Variants in FRK observed in about 807,000 individuals in gnomAD.
FRK encodes tyrosine-protein kinase FRK.
FRK carries 51 observed loss-of-function variants against 56.4 expected under a neutral mutation model. The ratio of observed to expected loss-of-function variants is 0.90; its 90% CI spans 0.72 to 1.14. The LOEUF (loss-of-function observed/expected upper bound fraction) is 1.14. Ranked by LOEUF, FRK falls within the 50% of genes most tolerant of loss-of-function variation. The probability of loss-of-function intolerance (pLI) is 0.00; values close to 1 mark genes in which losing one functional copy is unlikely to be tolerated. For synonymous variants in FRK, 245 were observed against 217.9 expected (o/e 1.12, Z -1.10); for missense variants, 570 against 601.4 (o/e 0.95, Z 0.55).
chr6:116,021,206 T>G (rs1775862149), intron 1 of FRK, among the ~76,000 whole-genome samples: 1 of 151,158 alleles, frequency 6.6e-6, no homozygotes, highest in Admixed American at 6.6e-5. Context: ...AAGACCATGC[T>G]TGCTTACAAG....
At chr6:115,973,578 G>A (rs1177144068) in intron 2 of FRK, among the ~76,000 whole-genome samples, 1 of 152,004 alleles carries the variant, frequency 6.6e-6, no homozygotes, top group East Asian at 1.9e-4. Flanking sequence ...TTTAAAAAAA[G>A]CCAACAAAGG....
chr6:116,004,462 T>C (rs1775178916), intron 1 of FRK, among the ~76,000 whole-genome samples: 1 of 152,154 alleles, frequency 6.6e-6, no homozygotes, highest in Non-Finnish European at 1.5e-5. Context: ...TACGAAGGAT[T>C]AAAAATATAG....
At chr6:115,979,845 TAC>T (rs1051272243) in intron 2 of FRK, among the ~76,000 whole-genome samples, 2 of 152,188 alleles carry the variant, frequency 1.3e-5, no homozygotes, top group Non-Finnish European at 1.5e-5. Context: ...CAATAGGCTA[TAC>T]CACAGAGCTT....
At chr6:116,085,669 C>T in the FRK span, among the ~76,000 whole-genome samples, 2 of 152,020 alleles carry the variant, frequency 1.3e-5, no homozygotes, top group East Asian at 1.9e-4. Flanking sequence ...CTGACAAATC[C>T]CCCCATCACC....
At chr6:116,049,865 T>A (rs1777120692) in intron 1 of FRK, among the ~76,000 whole-genome samples, 1 of 152,204 alleles carries the variant, frequency 6.6e-6, no homozygotes, top group Admixed American at 6.5e-5. Context: ...GAATTCTTTC[T>A]ATGAAGGTTA....
chr6:116,022,874 C>T (rs994259459), intron 1 of FRK, among the ~76,000 whole-genome samples: 6 of 152,184 alleles, frequency 3.9e-5, no homozygotes, highest in African/African-American at 1.4e-4. Context: ...TGTCCTATAT[C>T]CAATCACAGA....
chr6:116,054,567 T>C (rs908774405), intron 1 of FRK, among the ~76,000 whole-genome samples: 4 of 146,426 alleles, frequency 2.7e-5, no homozygotes, highest in African/African-American at 5.0e-5. Context: ...ATTTTATAAA[T>C]ATAGTGTTAT....
chr6:115,948,053 T>A (rs962448225), intron 5 of FRK, among the ~76,000 whole-genome samples: 1 of 152,138 alleles, frequency 6.6e-6, no homozygotes, highest in Admixed American at 6.5e-5. Flanking sequence ...ATGGCAGAAG[T>A]AGGTGGGATA....
intron 1 of FRK, among the ~76,000 whole-genome samples, chr6:116,028,786 A>G (rs1279516306): frequency 6.6e-6 from 1 of 152,104 alleles, no homozygotes; most frequent in African/African-American, 2.4e-5. Context: ...ATCAGGTCAC[A>G]TTCTGAGGGT....
intron 2 of FRK, among the ~76,000 whole-genome samples, chr6:115,976,386 A>C (rs918751092): frequency 6.6e-6 from 1 of 152,180 alleles, no homozygotes; most frequent in Non-Finnish European, 1.5e-5. Flanking sequence ...AAAGACAGAA[A>C]TTCCAGAAAC....
chr6:115,982,536 A>C (rs1048313896), intron 2 of FRK, among the ~76,000 whole-genome samples: 10 of 152,172 alleles, frequency 6.6e-5, no homozygotes, highest in Non-Finnish European at 4.4e-5. Context: ...GGTAACATAC[A>C]AGTAAACACT....
chr6:116,034,519 G>A (rs1402459182), intron 1 of FRK, among the ~76,000 whole-genome samples: 1 of 152,142 alleles, frequency 6.6e-6, no homozygotes, highest in African/African-American at 2.4e-5. Flanking sequence ...ACTGCAGTGT[G>A]TTCAAGAGAG....
intron 1 of FRK, among the ~76,000 whole-genome samples, chr6:116,007,498 G>A (rs1775287626): frequency 1.3e-5 from 2 of 152,090 alleles, no homozygotes; most frequent in South Asian, 4.2e-4. Context: ...GATGAGTTGG[G>A]AACACTCAGA....
At chr6:115,968,811 C>T (rs1037169805) in intron 2 of FRK, 72 bp from the exon 3 acceptor site, 2 of 1,230,364 alleles carry the variant, frequency 1.6e-6, no homozygotes, top group South Asian at 1.4e-5. Flanking sequence ...TTTGTGGTGA[C>T]ATTTTCAATG....
At chr6:115,959,128 G>T (rs1773220785) in intron 4 of FRK, among the ~76,000 whole-genome samples, 1 of 152,174 alleles carries the variant, frequency 6.6e-6, no homozygotes, top group South Asian at 2.1e-4. Context: ...GCCTGTCAAA[G>T]CTACTGTGGG....
intron 2 of FRK, among the ~76,000 whole-genome samples, chr6:115,971,742 G>A (rs749894061): frequency 1.4e-4 from 22 of 152,150 alleles, no homozygotes; most frequent in Non-Finnish European, 2.8e-4. Context: ...CTACTGCTAC[G>A]TGATCAGATG....
chr6:115,944,219 C>G, intron 6 of FRK, 25 bp downstream of exon 6: 1 of 1,584,512 alleles, frequency 6.3e-7, no homozygotes, highest in South Asian at 1.1e-5. Flanking sequence ...ATTACAAAAA[C>G]TAATTAAAAC....
intron 2 of FRK, among the ~76,000 whole-genome samples, chr6:115,987,390 A>C (rs1168421356): frequency 6.6e-6 from 1 of 152,050 alleles, no homozygotes; most frequent in African/African-American, 2.4e-5. Flanking sequence ...AATACTCTTA[A>C]TGGGAGAACC....
chr6:115,951,637 C>CA (rs1439094091), intron 5 of FRK, among the ~76,000 whole-genome samples: 1 of 151,946 alleles, frequency 6.6e-6, no homozygotes, highest in African/African-American at 2.4e-5. Flanking sequence ...TGAGAAACTA[C>CA]AAAAAAGGTT....
Sources: allele counts gnomAD v4.1 joint callset (sites outside exome capture counted in the v4.1 genomes callset), GRCh38; gene constraint gnomAD v4.1.1; transcripts MANE v1.5; gene names NCBI Gene and HGNC (gene_info 2026-07-23, HGNC 2026-07-21).